The following PCDH15 variants were observed in gnomAD, a reference collection of about 807,000 sequenced individuals.
The protein encoded by PCDH15 is protocadherin related 15.
PCDH15 carries 129 observed loss-of-function variants against 178.5 expected under a neutral mutation model. The ratio of observed to expected loss-of-function variants is 0.72; its 90% CI spans 0.63 to 0.84. The LOEUF is 0.84. PCDH15 is among the 40% of genes least tolerant of loss of function. The pLI is 0.00. For synonymous variants in PCDH15, 800 were observed against 732.0 expected (o/e 1.09, Z -1.50); for missense variants, 2,230 against 2,099.9 (o/e 1.06, Z -1.21).
At chr10:54,995,593 T>C (rs1329663957) in intron 2 of PCDH15, among the ~76,000 whole-genome samples, 1 of 148,002 alleles carries the variant, frequency 6.8e-6, no homozygotes, top group African/African-American at 2.5e-5. Context: ...GAACTGATGT[T>C]TATAGTTTCT....
intron 2 of PCDH15, among the ~76,000 whole-genome samples, chr10:54,944,075 A>T (rs2131866577): frequency 6.6e-6 from 1 of 151,978 alleles, no homozygotes; most frequent in East Asian, 1.9e-4. Flanking sequence ...TTAGGCCAAG[A>T]CCCAAAGCAT....
intron 8 of PCDH15, among the ~76,000 whole-genome samples, chr10:54,240,760 T>C (rs2055190200): frequency 1.3e-5 from 2 of 150,188 alleles, no homozygotes; most frequent in African/African-American, 4.9e-5. Context: ...GCCTCCCGAG[T>C]AGCTGGGACT....
chr10:54,595,378 G>T (rs1002637414), intron 2 of PCDH15, among the ~76,000 whole-genome samples: 1 of 152,080 alleles, frequency 6.6e-6, no homozygotes, highest in African/African-American at 2.4e-5. Context: ...ACAAAGCCAG[G>T]TGACTGAACA....
At chr10:54,290,959 C>T (rs547140505) in intron 8 of PCDH15, among the ~76,000 whole-genome samples, 41 of 152,298 alleles carry the variant, frequency 2.7e-4, no homozygotes, top group Middle Eastern at 6.8e-3. Flanking sequence ...GAGACTTTAA[C>T]GCCTCACTGT....
intron 21 of PCDH15, among the ~76,000 whole-genome samples, chr10:53,976,008 C>T (rs544541321): frequency 1.9e-4 from 29 of 152,214 alleles, no homozygotes; most frequent in African/African-American, 6.7e-4. Flanking sequence ...ATACTAGCAC[C>T]ATTCACTGAA....
intron 26 of PCDH15, among the ~76,000 whole-genome samples, chr10:53,895,950 T>C (rs1241654758): frequency 1.3e-5 from 2 of 152,184 alleles, no homozygotes; most frequent in African/African-American, 4.8e-5. Context: ...GACCTAACTT[T>C]AAATTCCAAC....
At chr10:53,846,425 T>C (rs1456621323) in intron 28 of PCDH15, among the ~76,000 whole-genome samples, 1 of 151,928 alleles carries the variant, frequency 6.6e-6, no homozygotes, top group Non-Finnish European at 1.5e-5. Context: ...ACAAACATTT[T>C]ATGTAACATA....
intron 25 of PCDH15, among the ~76,000 whole-genome samples, chr10:53,917,431 A>G (rs2083618049): frequency 6.6e-6 from 1 of 152,204 alleles, no homozygotes; most frequent in South Asian, 2.1e-4. Flanking sequence ...GTTTAAATAA[A>G]AAAAGATGAA....
At chr10:54,642,044 T>A (rs941990049) in intron 2 of PCDH15, among the ~76,000 whole-genome samples, 9 of 150,602 alleles carry the variant, frequency 6.0e-5, no homozygotes, top group Non-Finnish European at 4.4e-5. Context: ...CCACCCATAA[T>A]TCATATGTTA....
At chr10:54,951,196 AAAATTAC>A (rs1838328806) in intron 2 of PCDH15, among the ~76,000 whole-genome samples, 1 of 151,922 alleles carries the variant, frequency 6.6e-6, no homozygotes. Flanking sequence ...CACTGCCTGA[AAAATTAC>A]CCTGTGTTCC....
intron 9 of PCDH15, among the ~76,000 whole-genome samples, chr10:54,219,987 A>C (rs2052603029): frequency 6.6e-6 from 1 of 152,154 alleles, no homozygotes; most frequent in Non-Finnish European, 1.5e-5. Flanking sequence ...AGTGATGCCA[A>C]ATGGTGATTT....
At chr10:54,776,661 T>G (rs991868987) in intron 1 of PCDH15, among the ~76,000 whole-genome samples, 1 of 152,132 alleles carries the variant, frequency 6.6e-6, no homozygotes, top group Non-Finnish European at 1.5e-5. Context: ...CTACAGAAAA[T>G]GCAAATAAAT....
intron 15 of PCDH15, among the ~76,000 whole-genome samples, chr10:54,096,602 C>A (rs897249658): frequency 6.6e-6 from 1 of 152,232 alleles, no homozygotes; most frequent in South Asian, 2.1e-4. Flanking sequence ...ATCCCATGCA[C>A]CTTTTGTGGT....
chr10:54,870,022 C>T (rs1355502374), intron 3 of PCDH15, among the ~76,000 whole-genome samples: 1 of 152,150 alleles, frequency 6.6e-6, no homozygotes, highest in African/African-American at 2.4e-5. Context: ...TGTTTTTCCC[C>T]TGTGCAGTAA....
chr10:54,993,141 G>A (rs1007655005), intron 2 of PCDH15, among the ~76,000 whole-genome samples: 8 of 152,124 alleles, frequency 5.3e-5, no homozygotes, highest in Non-Finnish European at 4.4e-5. Flanking sequence ...TTTGAGATAC[G>A]ACTGAAAGGA....
At chr10:54,796,373 T>C (rs1444591767) in intron 1 of PCDH15, among the ~76,000 whole-genome samples, 1 of 151,834 alleles carries the variant, frequency 6.6e-6, no homozygotes, top group East Asian at 1.9e-4. Flanking sequence ...ATTATCTGTA[T>C]GTATGCCTGT....
At chr10:54,164,466 G>T (rs2046011060) in intron 13 of PCDH15, among the ~76,000 whole-genome samples, 1 of 152,150 alleles carries the variant, frequency 6.6e-6, no homozygotes, top group African/African-American at 2.4e-5. Context: ...GCCAGAGAAA[G>T]AATTGAATTT....
chr10:54,732,873 T>G (rs567211957), intron 1 of PCDH15, among the ~76,000 whole-genome samples: 3 of 151,634 alleles, frequency 2.0e-5, no homozygotes, highest in African/African-American at 7.2e-5. Context: ...TGAGAGCCTG[T>G]TTCAACATCA....
chr10:55,590,249 T>C (rs10825553), intron 2 of PCDH15, among the ~76,000 whole-genome samples: 47,285 of 142,766 alleles, frequency 0.33, 8,095 homozygotes, highest in East Asian at 0.49. Context: ...CACTCATAGG[T>C]GGGAATTGAA....
Sources: allele counts gnomAD v4.1 joint callset (sites outside exome capture counted in the v4.1 genomes callset), GRCh38; gene constraint gnomAD v4.1.1; transcripts MANE v1.5; gene names NCBI Gene and HGNC (gene_info 2026-07-23, HGNC 2026-07-21).